Variants in INTS7 observed in about 807,000 individuals in gnomAD.
The protein encoded by INTS7 is integrator complex subunit 7, also known as chromosome 1 open reading frame 73.
In INTS7, 46 loss-of-function variants were observed where a neutral mutation model predicts 109.2. That is an observed-to-expected ratio of 0.42 (90% CI 0.33 to 0.54). The LOEUF is 0.54. INTS7 is among the 20% of genes least tolerant of loss of function. The pLI, the probability that INTS7 is intolerant of heterozygous loss-of-function variation, is 0.07. For synonymous variants in INTS7, 412 were observed against 402.9 expected, an observed-to-expected ratio of 1.02 and a Z score of -0.27; for missense variants, 929 against 1,132.4, an observed-to-expected ratio of 0.82 and a Z score of 2.58.
intron 13 of INTS7, among the ~76,000 whole-genome samples, chr1:211,971,970 A>G (rs1254960712): frequency 1.3e-5 from 2 of 151,892 alleles, no homozygotes; most frequent in South Asian, 2.1e-4. Context: ...AAAAAATTAT[A>G]AAGAAAGGCA....
At chr1:211,981,329 C>A in intron 9 of INTS7, 139 bp from the exon 10 acceptor site, 1 of 499,594 alleles carries the variant, frequency 2.0e-6, no homozygotes, top group Non-Finnish European at 3.6e-6. Context: ...ATGAACCTAA[C>A]CTTCCTTGAA....
At position 212,025,344 on chromosome 1, in the gene INTS7, T is replaced by C. The variant is rs139049864; in HGVS notation, c.95-4132A>G. Reference sequence around the variant, plus strand: ...CAGGAGCTAGAGAGAGGGAACTGACTGCACAGGGGCATGAGGAAAGTTTTT... The same window carrying C: ...CAGGAGCTAGAGAGAGGGAACTGACCGCACAGGGGCATGAGGAAAGTTTTT... On this transcript the variant is annotated intron_variant, in intron 1 of 19. Transcript: ENST00000366994. Among the ~76,000 whole-genome samples the C allele has an allele frequency of 2.0e-5, 3 of 152,274 alleles. No individual in the cohort carries two copies. The East Asian group carries it at 5.8e-4, about 29-fold the overall frequency.
At chr1:211,982,964 G>A (rs1328026218) in intron 8 of INTS7, among the ~76,000 whole-genome samples, 154 bp from the exon 9 acceptor site, 3 of 152,060 alleles carry the variant, frequency 2.0e-5, no homozygotes, top group Non-Finnish European at 4.4e-5. Context: ...ATACATATCA[G>A]CATTTCTCTC....
At chr1:212,022,543 T>C (rs1666753998) in intron 1 of INTS7, among the ~76,000 whole-genome samples, 1 of 152,162 alleles carries the variant, frequency 6.6e-6, no homozygotes, top group Non-Finnish European at 1.5e-5. Flanking sequence ...GAACAGATGC[T>C]CAACAGTGTC....
rs371531558 is a variant in INTS7, at chr1:211,981,065, T to C, written c.1230+28A>G. 5 of 1,413,412 alleles carry C rather than the reference T, an allele frequency of 3.5e-6. No individual in the cohort carries two copies. The African/African-American group carries it at 4.2e-5, about 12-fold the overall frequency. 87.6% of individuals were successfully genotyped at this position (1,413,412 alleles called of 1,614,324 possible). A position where few individuals can be genotyped will look rare whatever the true frequency, so the allele number is the denominator to read the frequency against. On this transcript the variant is annotated intron_variant, in intron 10 of 19. Coordinates refer to ENST00000366994, the MANE Select transcript of INTS7 (RefSeq NM_015434.4). ...TGCCTAAGACCATCATATATATCTA[T>C]TACAACTTAATAAATAAAAGTTTTC... is the stretch of plus-strand genomic sequence containing the variant.
At chr1:212,015,779 C>T (rs532321030) in intron 4 of INTS7, among the ~76,000 whole-genome samples, 1 of 142,720 alleles carries the variant, frequency 7.0e-6, no homozygotes, top group Admixed American at 7.0e-5. Flanking sequence ...TTATTATTCA[C>T]CTGGTTATAA....
In INTS7 at chr1:211,978,469, G is replaced by A. The variant is rs1340790909; in HGVS notation, c.1273C>T (p.His425Tyr). The A allele has an allele frequency of 6.2e-7, 1 of 1,614,184 alleles. No individual in the cohort carries two copies. Residue 425 changes from histidine (H) to tyrosine (Y), a missense_variant, in exon 11 of 20, where the codon CAT becomes TAT. Around this residue, in one of 2 missense-constraint regions of INTS7, gnomAD observed 787 missense variants for 901.1 expected, o/e 0.87. Coordinates refer to ENST00000366994, the MANE Select transcript of INTS7 (RefSeq NM_015434.4). ...GTCTCAACTACTGACTGGCTAAGAT[G>A]GGGCCTGCCCTTGGCCAACTTCACC... ...CMVKLAKGRP[H>Y]LSQSVVETLL...
intron 4 of INTS7, among the ~76,000 whole-genome samples, chr1:212,012,180 T>C (rs955301522): frequency 4.6e-5 from 7 of 151,920 alleles, no homozygotes; most frequent in Non-Finnish European, 8.8e-5. Flanking sequence ...ACCTGGCCCC[T>C]GAAAGCGTGT....
chr1:211,991,647 A>T (rs990685281), intron 7 of INTS7, among the ~76,000 whole-genome samples: 9 of 152,250 alleles, frequency 5.9e-5, no homozygotes, highest in African/African-American at 1.9e-4. Flanking sequence ...AGCCACTAAA[A>T]GTCAAAGCAC....
At chr1:211,991,797 T>C (rs193299655) in intron 7 of INTS7, among the ~76,000 whole-genome samples, 13 of 152,304 alleles carry the variant, frequency 8.5e-5, no homozygotes, top group African/African-American at 2.4e-4. Flanking sequence ...CAGAGAGCCA[T>C]GGACTCAACT....
intron 12 of INTS7, 126 bp from the exon 13 acceptor site, chr1:211,975,498 C>T (rs1338594844): frequency 1.5e-6 from 1 of 668,286 alleles, no homozygotes; most frequent in Admixed American, 2.7e-5. Context: ...ACAATCATTC[C>T]TCATATTATG....
rs553693144 is a variant in INTS7 at position 212,032,192 on chromosome 1, A to AAAATGG, written c.94+3151_94+3152insCCATTT. On this transcript the variant is annotated intron_variant, in intron 1 of 19. Coordinates refer to ENST00000366994, the MANE Select transcript of INTS7 (RefSeq NM_015434.4). ...GGCTCTACTTTGAAAGTATATCCAG[A>AAAATGG]ATCTCAGCACTTCACACATTTTCAG... is the stretch of plus-strand genomic sequence containing the variant. 8.0e-3 allele frequency among the ~76,000 whole-genome samples: 1,220 copies of AAAATGG among 152,222 alleles called. 19 individuals carry two copies. The highest frequency in any genetic ancestry group is 0.026 in the African/African-American group (1,084 of 41,522).
chr1:211,991,692 A>G (rs1665154181), intron 7 of INTS7, among the ~76,000 whole-genome samples: 1 of 152,266 alleles, frequency 6.6e-6, no homozygotes, highest in South Asian at 2.1e-4. Context: ...GTTAGAGAGC[A>G]ATGTAGAAGC....
At chr1:212,008,635 T>C (rs1447448820) in intron 5 of INTS7, among the ~76,000 whole-genome samples, 3 of 152,182 alleles carry the variant, frequency 2.0e-5, no homozygotes, top group Non-Finnish European at 4.4e-5. Flanking sequence ...CTTCTGGTCA[T>C]CTGCACTAGG....
chr1:211,969,201 C>T (rs1382238932), intron 13 of INTS7, among the ~76,000 whole-genome samples: 1 of 151,272 alleles, frequency 6.6e-6, no homozygotes, highest in African/African-American at 2.4e-5. Context: ...AGGAGAATGG[C>T]GTGAACCCGG....
rs1662588158 is a variant in INTS7, at chr1:211,940,612, A to G, written c.*1212T>C. 1 of 152,144 alleles carries G rather than the reference A, an allele frequency of 6.6e-6. No individual in the cohort carries two copies. Among genetic ancestry groups the G allele is most frequent in the African/African-American group, 2.4e-5 (1 of 41,434 alleles). The allele number at this position is 152,144 out of a possible 1,614,324, so 9.4% of individuals were successfully genotyped here. The stretch of plus-strand genomic sequence containing the variant: ...CTACCATACTGTGCTAAGAAAGTCT[A>G]TTTTATCATGGTTTTCAACCAGAAT... On this transcript the variant is annotated 3_prime_UTR_variant, in exon 20 of 20. Transcript: ENST00000366994.
intron 7 of INTS7, among the ~76,000 whole-genome samples, chr1:211,992,935 T>G (rs1236760484): frequency 6.6e-6 from 1 of 152,194 alleles, no homozygotes; most frequent in Non-Finnish European, 1.5e-5. Flanking sequence ...TCACTAACTA[T>G]TTGGTCTACA....
intron 16 of INTS7, among the ~76,000 whole-genome samples, chr1:211,960,517 G>A (rs1036259582): frequency 1.3e-5 from 2 of 152,076 alleles, no homozygotes; most frequent in African/African-American, 2.4e-5. Flanking sequence ...TCATCAAGAA[G>A]GAGGAATACA....
rs564053581 is a variant in INTS7, at chr1:211,952,266, G to A, written c.2316+303C>T. ...AAAGTGATTCTAATGTGTAGCCTGC[G>A]TTGAGAATTATTGCAACTTCAGTTA... On this transcript the variant is annotated intron_variant, in intron 17 of 19. Coordinates refer to ENST00000366994, the MANE Select transcript of INTS7 (RefSeq NM_015434.4). 2.0e-4 allele frequency among the ~76,000 whole-genome samples: 31 copies of A among 152,254 alleles called. 1 individual carries two copies. Among genetic ancestry groups the A allele is most frequent in the Admixed American group, 1.1e-3 (17 of 15,298 alleles).
Sources: gnomAD v4.1 joint callset for allele counts (sites outside exome capture counted in the v4.1 genomes callset) on GRCh38, gnomAD v4.1.1 for gene constraint, gnomAD v4.1.1 regional missense constraint, MANE v1.5 for transcripts, NCBI Gene and HGNC (gene_info 2026-07-23, HGNC 2026-07-21) for gene names.